The following TFEB variants were observed in gnomAD, a reference collection of about 807,000 sequenced individuals.
TFEB encodes transcription factor EB, also known as T-cell transcription factor EB.
A neutral mutation model predicts 48.0 loss-of-function variants in TFEB; 12 were observed. That is an observed-to-expected ratio of 0.25 (90% CI 0.16 to 0.40). The LOEUF (loss-of-function observed/expected upper bound fraction) is 0.40, where lower values mean the gene tolerates loss of function less well. Ranked by LOEUF, TFEB falls within the 10% of genes least tolerant of loss-of-function variation. TFEB has a pLI of 1.00. For synonymous variants in TFEB, 244 were observed against 261.4 expected (o/e 0.93, Z 0.64); for missense variants, 509 against 640.3 (o/e 0.79, Z 2.21).
At chr6:41,709,297 T>C (rs1183731794) in intron 1 of TFEB, among the ~76,000 whole-genome samples, 1 of 123,246 alleles carries the variant, frequency 8.1e-6, no homozygotes, top group South Asian at 2.3e-4. Flanking sequence ...GTGACCTTCA[T>C]CAACTTACTT....
chr6:41,709,529 GTGGATGGATGGA>G (rs10604830), intron 1 of TFEB, among the ~76,000 whole-genome samples: 10,363 of 149,392 alleles, frequency 0.069, 1,161 homozygotes, highest in African/African-American at 0.24. Flanking sequence ...ATAATGGTTG[GTGGATGGATGGA>G]TGGATGGATG....
At chr6:41,731,725 C>T (rs549395553) in intron 1 of TFEB, among the ~76,000 whole-genome samples, 1 of 152,360 alleles carries the variant, frequency 6.6e-6, no homozygotes, top group Admixed American at 6.5e-5. Flanking sequence ...TCCCCACAGC[C>T]TCTTCTGCAC....
chr6:41,703,460 C>T (rs1770043579), intron 1 of TFEB, among the ~76,000 whole-genome samples: 2 of 148,158 alleles, frequency 1.3e-5, no homozygotes, highest in South Asian at 2.1e-4. Context: ...GGGGCTGCTC[C>T]TCCTCCGTCA....
In TFEB at chr6:41,689,760, T is replaced by C; in HGVS notation, c.520A>G (p.Ile174Val). ...TTGGGCATCTGCATTTCAGGATTGA[T>C]GTAGCCAAGGACATCGTCCAGACGC... ...IMRLDDVLGYINPEMQMPNTL... is the reference protein window; with the variant it reads ...IMRLDDVLGYVNPEMQMPNTL... The change falls in exon 4 of 9, where the codon ATC (isoleucine) becomes GTC (valine). Residue 174 changes from isoleucine (I) to valine (V), a missense_variant. Around this residue, in one of 4 missense-constraint regions of TFEB, gnomAD observed 251 missense variants for 317.2 expected, o/e 0.79. Transcript: ENST00000373033. The C allele has an allele frequency of 6.2e-7, 1 of 1,614,102 alleles. No homozygotes were observed. The highest frequency in any genetic ancestry group is 1.1e-5 in the South Asian group (1 of 91,088).
At chr6:41,689,295 G>A (rs765689365) in intron 4 of TFEB, among the ~76,000 whole-genome samples, 3 of 152,168 alleles carry the variant, frequency 2.0e-5, no homozygotes, top group Non-Finnish European at 4.4e-5. Flanking sequence ...CATGGAGTAA[G>A]AGACACAGAC....
chr6:41,688,273 T>G, intron 4 of TFEB: 1 of 464,786 alleles, frequency 2.2e-6, no homozygotes, highest in Non-Finnish European at 3.8e-6. Context: ...CAACCAATAA[T>G]ATGTGATAGG....
chr6:41,705,494 C>T (rs978172397), intron 1 of TFEB, among the ~76,000 whole-genome samples: 5 of 152,200 alleles, frequency 3.3e-5, no homozygotes, highest in African/African-American at 4.8e-5. Flanking sequence ...TGCCCACTCC[C>T]ATGTACACTC....
intron 1 of TFEB, among the ~76,000 whole-genome samples, chr6:41,714,465 G>A (rs918757767): frequency 6.6e-6 from 1 of 152,228 alleles, no homozygotes; most frequent in Non-Finnish European, 1.5e-5. Context: ...AGCAGAGGAT[G>A]GGGAAGAGGG....
chr6:41,723,465 G>C lies in TFEB; in HGVS notation c.-23+11885C>G. On this transcript the variant is annotated intron_variant, in intron 1 of 8. Transcript: ENST00000373033. The surrounding 1 kb of genome is among the most constrained non-coding windows in gnomAD (Gnocchi z 6.0). ...TGCACGCGTGTGCTCTCATACCTTC[G>C]AGAGGGCAGCCCCCTGGAAGGAGGC... is the stretch of plus-strand genomic sequence containing the variant. 7.8e-7 allele frequency: 1 copy of C among 1,288,680 alleles called. No homozygotes were observed. 79.8% of individuals were successfully genotyped at this position (1,288,680 alleles called of 1,614,324 possible). A position where few individuals can be genotyped will look rare whatever the true frequency, so the allele number is the denominator to read the frequency against.
In TFEB at chr6:41,693,921, C is replaced by A. The variant is rs182802935; in HGVS notation, c.-22-2686G>T. On this transcript the variant is annotated intron_variant, in intron 1 of 8. Transcript: ENST00000373033. ...ACCACACGCACACTAGCCCTACAGA[C>A]CTCATAGGCTCTGACCCCAGCCCAA... Among the ~76,000 whole-genome samples the A allele has an allele frequency of 1.1e-4, 17 of 152,196 alleles. No homozygotes were observed. In the East Asian group the frequency reaches 1.7e-3, roughly 16 times the overall value.
At chr6:41,714,764 C>T (rs1235237291) in intron 1 of TFEB, among the ~76,000 whole-genome samples, 1 of 152,278 alleles carries the variant, frequency 6.6e-6, no homozygotes, top group South Asian at 2.1e-4. Flanking sequence ...CAGAGAGGCC[C>T]TGGAGGCAGC....
At chr6:41,687,352 A>G (rs1308951359) in intron 6 of TFEB, among the ~76,000 whole-genome samples, 183 bp from the exon 7 acceptor site, 1 of 152,222 alleles carries the variant, frequency 6.6e-6, no homozygotes, top group Non-Finnish European at 1.5e-5. Flanking sequence ...GTCCAGGGCA[A>G]AGGCCAGACA....
chr6:41,735,361 G>C lies in TFEB; in HGVS notation c.-34C>G, dbSNP rs746900347. 1.0e-6 allele frequency: 1 copy of C among 985,382 alleles called. No homozygotes were observed. The highest frequency in any genetic ancestry group is 1.2e-6 in the Non-Finnish European group (1 of 830,170). The allele number at this position is 985,382 out of a possible 1,614,324, so 61.0% of individuals were successfully genotyped here. A position where few individuals can be genotyped will look rare whatever the true frequency, so the allele number is the denominator to read the frequency against. On this transcript the variant is annotated 5_prime_UTR_variant, in exon 1 of 9. Coordinates refer to ENST00000373033, the MANE Select transcript of TFEB (RefSeq NM_001271944.2). ...CCGGTCCCGCTCACCTCGCTCTGAA[G>C]GTCAATCTGTCCGCCGCCCGCGCCC...
intron 1 of TFEB, among the ~76,000 whole-genome samples, chr6:41,729,491 C>T (rs1771363883): frequency 6.6e-6 from 1 of 152,358 alleles, no homozygotes; most frequent in South Asian, 2.1e-4. Flanking sequence ...CTCCCTTCAA[C>T]AAAGTGAGGG....
In TFEB at chr6:41,735,415, G is replaced by C; in HGVS notation, c.-88C>G. 16 of 985,536 alleles carry C rather than the reference G, an allele frequency of 1.6e-5. No homozygotes were observed. The highest frequency in any genetic ancestry group is 1.9e-5 in the Non-Finnish European group (16 of 830,440). 61.0% of individuals were successfully genotyped at this position (985,536 alleles called of 1,614,324 possible). A position where few individuals can be genotyped will look rare whatever the true frequency, so the allele number is the denominator to read the frequency against. ...GGCTCCGGCAACTTGTCGCAAGTTC[G>C]GGTGCCTGGCCCGCAAGCTGTGCCC... On this transcript the variant is annotated 5_prime_UTR_variant, in exon 1 of 9. Coordinates refer to ENST00000373033, the MANE Select transcript of TFEB (RefSeq NM_001271944.2).
chr6:41,719,535 A>G (rs1199214149), intron 1 of TFEB, among the ~76,000 whole-genome samples: 1 of 152,206 alleles, frequency 6.6e-6, no homozygotes, highest in East Asian at 1.9e-4. Flanking sequence ...GGAAGGGGTC[A>G]GTGCCCTGTG....
intron 1 of TFEB, among the ~76,000 whole-genome samples, chr6:41,709,709 T>C (rs1271944059): frequency 1.3e-5 from 2 of 152,164 alleles, no homozygotes; most frequent in Non-Finnish European, 2.9e-5. Flanking sequence ...GATGGATGGA[T>C]GTTTAAAAGG....
chr6:41,728,035 G>A (rs1771284070), intron 1 of TFEB, among the ~76,000 whole-genome samples: 1 of 152,196 alleles, frequency 6.6e-6, no homozygotes, highest in Non-Finnish European at 1.5e-5. Context: ...CCTAAACCAC[G>A]CTGAGTCAAG....
Position 41,724,194 on chromosome 6 carries a change from C to T in TFEB, c.-23+11156G>A, listed in dbSNP as rs538027329. Among the ~76,000 whole-genome samples, 1 of 152,354 alleles carries T rather than the reference C, an allele frequency of 6.6e-6. No individual in the cohort carries two copies. Among genetic ancestry groups the T allele is most frequent in the Admixed American group, 6.5e-5 (1 of 15,306 alleles). On this transcript the variant is annotated intron_variant, in intron 1 of 8. Coordinates refer to ENST00000373033, the MANE Select transcript of TFEB (RefSeq NM_001271944.2). The surrounding 1 kb of genome is among the most constrained non-coding windows in gnomAD (Gnocchi z 4.4). ...GCAAGTTCAGTGGTTCCTCAGCCCCCCAGCACTTTTTTAGCAGCCTGCCAA... is the reference window on the plus strand; with the variant it reads ...GCAAGTTCAGTGGTTCCTCAGCCCCTCAGCACTTTTTTAGCAGCCTGCCAA...
Sources: gnomAD v4.1 joint callset for allele counts (sites outside exome capture counted in the v4.1 genomes callset) on GRCh38, gnomAD v4.1.1 for gene constraint, gnomAD v4.1.1 regional missense constraint, Gnocchi (gnomAD v3.1) non-coding constraint, MANE v1.5 for transcripts, NCBI Gene and HGNC (gene_info 2026-07-23, HGNC 2026-07-21) for gene names.